PDZD8: variants seen among roughly 807,000 people sequenced by gnomAD.
PDZD8 encodes the protein PDZ domain-containing protein 8.
In PDZD8, 14 loss-of-function variants were observed where a neutral mutation model predicts 85.8. The observed-to-expected ratio is 0.16, with a 90% confidence interval of 0.11 to 0.26. The LOEUF (loss-of-function observed/expected upper bound fraction) is 0.26. Ranked by LOEUF, PDZD8 falls within the 10% of genes least tolerant of loss-of-function variation. PDZD8 has a pLI of 1.00. For synonymous variants in PDZD8, 592 were observed against 568.6 expected (o/e 1.04, Z -0.59); for missense variants, 1,197 against 1,424.3 (o/e 0.84, Z 2.57).
chr10:117,277,325 C>A lies in PDZD8; in HGVS notation c.*5943G>T. The stretch of plus-strand genomic sequence containing the variant: ...TTGTATAAAACAGTGTTTCCAGTGA[C>A]ACAACTCATCCAGAACTGTCTTAGT... On this transcript the variant is annotated 3_prime_UTR_variant, in exon 5 of 5. Coordinates refer to ENST00000334464, the MANE Select transcript of PDZD8 (RefSeq NM_173791.5). 2 of 1,040,660 alleles carry A rather than the reference C, an allele frequency of 1.9e-6. No homozygotes were observed. The highest frequency in any genetic ancestry group is 1.4e-5 in the South Asian group (1 of 71,018). 64.5% of individuals were successfully genotyped at this position (1,040,660 alleles called of 1,614,324 possible).
chr10:117,336,723 T>G (rs1485530827), intron 2 of PDZD8, among the ~76,000 whole-genome samples: 2 of 151,986 alleles, frequency 1.3e-5, no homozygotes, highest in Non-Finnish European at 2.9e-5. Context: ...TGAGACAATT[T>G]AGACACCAAA....
At chr10:117,368,371 T>C (rs1845126258) in intron 1 of PDZD8, among the ~76,000 whole-genome samples, 1 of 152,186 alleles carries the variant, frequency 6.6e-6, no homozygotes, top group Admixed American at 6.5e-5. Context: ...CACAATGCCA[T>C]TGTCTATTCT....
intron 4 of PDZD8, chr10:117,285,751 TA>T: frequency 9.0e-7 from 1 of 1,105,700 alleles, no homozygotes. Flanking sequence ...TGCTAACTCC[TA>T]ATTGCTTTCT....
intron 3 of PDZD8, among the ~76,000 whole-genome samples, chr10:117,302,680 G>A (rs573967744): frequency 3.3e-5 from 5 of 152,124 alleles, no homozygotes; most frequent in Non-Finnish European, 7.3e-5. Context: ...AACTTGAATT[G>A]TATCTCCCAG....
rs747855140 is a variant in PDZD8 at position 117,284,555 on chromosome 10, G to A, written c.2178C>T (p.Leu726=). Residue 726 remains leucine (L), a synonymous_variant, in exon 5 of 5, where the codon CTC becomes CTT. Transcript: ENST00000334464. ...WCRDPFKLGG[L]ICLGHVSLKL... ...TTAAACTAACATGCCCCAAACAGAT[G>A]AGACCTCCCAACTTGAAAGGATCCC... 2.5e-6 allele frequency: 4 copies of A among 1,614,146 alleles called. No homozygotes were observed. The highest frequency in any genetic ancestry group is 3.4e-6 in the Non-Finnish European group (4 of 1,180,038).
intron 2 of PDZD8, among the ~76,000 whole-genome samples, chr10:117,333,117 C>CAAAAAAAAA (rs752527474): frequency 0.015 from 109 of 7,106 alleles, 7 homozygotes; most frequent in Non-Finnish European, 0.045. Context: ...GACTCTGTCT[C>CAAAAAAAAA]AAAAAAAAAA....
intron 1 of PDZD8, among the ~76,000 whole-genome samples, chr10:117,363,278 C>T (rs534353063): frequency 1.1e-3 from 173 of 152,156 alleles, no homozygotes; most frequent in African/African-American, 4.1e-3. Context: ...GTATGAAAGA[C>T]TATTGTGTAA....
intron 2 of PDZD8, among the ~76,000 whole-genome samples, chr10:117,329,993 G>A: frequency 1.4e-5 from 1 of 73,190 alleles, no homozygotes; most frequent in African/African-American, 4.9e-5. Flanking sequence ...AGGAAGGAAG[G>A]AAGGAAGGGA....
At chr10:117,309,000 A>G (rs1240085982) in intron 3 of PDZD8, among the ~76,000 whole-genome samples, 2 of 152,096 alleles carry the variant, frequency 1.3e-5, no homozygotes, top group African/African-American at 2.4e-5. Flanking sequence ...ATACTTTCCT[A>G]AAGTGTGTGT....
At chr10:117,372,686 T>C (rs541173809) in intron 1 of PDZD8, among the ~76,000 whole-genome samples, 1 of 152,196 alleles carries the variant, frequency 6.6e-6, no homozygotes, top group Non-Finnish European at 1.5e-5. Flanking sequence ...ATAAAGTATG[T>C]TCTACTTCAC....
At chr10:117,295,171 C>G (rs1304905606) in intron 3 of PDZD8, among the ~76,000 whole-genome samples, 1 of 151,888 alleles carries the variant, frequency 6.6e-6, no homozygotes, top group East Asian at 1.9e-4. Context: ...CCACCACCAC[C>G]AACAAAACCC....
At chr10:117,349,412 G>A in intron 1 of PDZD8, among the ~76,000 whole-genome samples, 1 of 152,196 alleles carries the variant, frequency 6.6e-6, no homozygotes, top group East Asian at 1.9e-4. Context: ...CTGCATATTA[G>A]ACAGTTCTGT....
chr10:117,341,455 A>G (rs545237308), intron 1 of PDZD8, among the ~76,000 whole-genome samples: 2 of 152,290 alleles, frequency 1.3e-5, no homozygotes, highest in African/African-American at 2.4e-5. Flanking sequence ...TTCAGAATGC[A>G]TGTTCCATGG....
At chr10:117,303,397 T>G (rs1218920035) in intron 3 of PDZD8, among the ~76,000 whole-genome samples, 1 of 152,178 alleles carries the variant, frequency 6.6e-6, no homozygotes, top group Non-Finnish European at 1.5e-5. Context: ...ATTCAACAGG[T>G]GACTTGGGTG....
rs1844567929 is a variant in PDZD8, at chr10:117,280,980, A to G, written c.*2288T>C. On this transcript the variant is annotated 3_prime_UTR_variant, in exon 5 of 5. Coordinates refer to ENST00000334464, the MANE Select transcript of PDZD8 (RefSeq NM_173791.5). ...GTTATTTTTTATAAAGTGGTTACAC[A>G]CTGAGCAGATTGCCTCAAGTGTAAG... 6.6e-6 allele frequency: 1 copy of G among 152,244 alleles called. No individual in the cohort carries two copies. Among genetic ancestry groups the G allele is most frequent in the Non-Finnish European group, 1.5e-5 (1 of 68,046 alleles). The allele number at this position is 152,244 out of a possible 1,614,324, so 9.4% of individuals were successfully genotyped here. A position where few individuals can be genotyped will look rare whatever the true frequency, so the allele number is the denominator to read the frequency against.
chr10:117,324,827 T>C (rs1345967694), intron 2 of PDZD8, among the ~76,000 whole-genome samples: 4 of 152,234 alleles, frequency 2.6e-5, no homozygotes. Flanking sequence ...AACTTTTTTT[T>C]CTTTTAATCT....
rs1043344642 is a variant in PDZD8, at chr10:117,295,137, C to A, written c.1099-4789G>T. Reference sequence around the variant, plus strand: ...GTCCAGCCTGGGCAACAGAGCTAGACCCTGCCTCAAAAACAAAAAAAACCC... The same window carrying A: ...GTCCAGCCTGGGCAACAGAGCTAGAACCTGCCTCAAAAACAAAAAAAACCC... On this transcript the variant is annotated intron_variant, in intron 3 of 4. Coordinates refer to ENST00000334464, the MANE Select transcript of PDZD8 (RefSeq NM_173791.5). Among the ~76,000 whole-genome samples the A allele has an allele frequency of 2.6e-5, 4 of 152,100 alleles. 1 individual carries two copies. Among genetic ancestry groups the A allele is most frequent in the Admixed American group, 1.3e-4 (2 of 15,268 alleles).
chr10:117,283,818 G>C lies in PDZD8; in HGVS notation c.2915C>G (p.Pro972Arg). Residue 972 changes from proline (P) to arginine (R), a missense_variant, in exon 5 of 5, where the codon CCC (proline) becomes CGC (arginine). This residue lies in a region of PDZD8 where 418 missense variants were observed against 571.1 expected (regional missense o/e 0.73). Coordinates refer to ENST00000334464, the MANE Select transcript of PDZD8 (RefSeq NM_173791.5). ...ACTGCCTTCGTTGTCTGACGTGTTG[G>C]GTGTGTGTTTTGGTGAAGGTTCTAC... The part of the protein sequence containing the change: ...DLVEPSPKHT[P>R]NTSDNEGSDT... 13 of 1,614,154 alleles carry C rather than the reference G, an allele frequency of 8.1e-6. No homozygotes were observed. The highest frequency in any genetic ancestry group is 1.1e-5 in the Non-Finnish European group (13 of 1,180,018).
rs955128974 is a variant in PDZD8, at chr10:117,282,453, T to G, written c.*815A>C. On this transcript the variant is annotated 3_prime_UTR_variant, in exon 5 of 5. Coordinates refer to ENST00000334464, the MANE Select transcript of PDZD8 (RefSeq NM_173791.5). ...ATTATATTTCAAAATGCTATGTTAC[T>G]GTTTTTCAGTAATTAAGTCTTGTTA... is the stretch of plus-strand genomic sequence containing the variant. The G allele has an allele frequency of 3.3e-5, 5 of 152,230 alleles. No individual in the cohort carries two copies. The highest frequency in any genetic ancestry group is 5.9e-5 in the Non-Finnish European group (4 of 68,046). The allele number at this position is 152,230 out of a possible 1,614,324, so 9.4% of individuals were successfully genotyped here.
Sources: allele counts gnomAD v4.1 joint callset (sites outside exome capture counted in the v4.1 genomes callset), GRCh38; gene constraint gnomAD v4.1.1; regional missense constraint gnomAD v4.1.1; transcripts MANE v1.5; gene names NCBI Gene and HGNC (gene_info 2026-07-23, HGNC 2026-07-21).